The following OXR1 variants were observed in gnomAD, a reference collection of about 807,000 sequenced individuals.
The protein encoded by OXR1 is oxidation resistance 1, also known as oxidation resistance protein 1.
OXR1 carries 41 observed loss-of-function variants against 104.6 expected under a neutral mutation model. The observed-to-expected ratio is 0.39, with a 90% CI of 0.31 to 0.51. OXR1 has a LOEUF of 0.51. Among genes scored for constraint, OXR1 ranks in the 20% least tolerant of loss-of-function variants. The pLI, the probability that OXR1 is intolerant of heterozygous loss-of-function variation, is 0.77. For missense variants in OXR1, 955 were observed against 1,031.9 expected (o/e 0.93, Z 1.02); for synonymous variants, 348 against 348.4 (o/e 1.00, Z 0.01).
chr8:106,291,081 G>T (rs1031390689), intron 1 of OXR1, among the ~76,000 whole-genome samples: 18 of 152,010 alleles, frequency 1.2e-4, no homozygotes, highest in Admixed American at 3.3e-4. Context: ...CAGAAATTAT[G>T]GTACATATAC....
chr8:106,309,939 A>G (rs1813627783), intron 1 of OXR1, among the ~76,000 whole-genome samples: 1 of 151,760 alleles, frequency 6.6e-6, no homozygotes, highest in Non-Finnish European at 1.5e-5. Context: ...TAGGGAAACC[A>G]TGTTCAACAT....
At chr8:106,688,347 A>G (rs1828947102) in intron 6 of OXR1, among the ~76,000 whole-genome samples, 2 of 152,072 alleles carry the variant, frequency 1.3e-5, no homozygotes, top group Non-Finnish European at 1.5e-5. Flanking sequence ...ACTCTAATCA[A>G]TCTAAAATAT....
intron 2 of OXR1, among the ~76,000 whole-genome samples, chr8:106,430,579 C>T (rs1819323647): frequency 1.3e-5 from 2 of 152,152 alleles, no homozygotes; most frequent in Non-Finnish European, 1.5e-5. Context: ...AGGTATAAAA[C>T]TTTGAAAACT....
intron 1 of OXR1, among the ~76,000 whole-genome samples, chr8:106,339,520 ATATATATATATATATATAT>A (rs1194336176): frequency 6.1e-4 from 5 of 8,240 alleles, no homozygotes; most frequent in African/African-American, 1.3e-3. Flanking sequence ...AAAAAAAAAA[ATATATATATATATATATAT>A]ATATATATAT....
At chr8:106,321,736 A>G (rs1178742482) in intron 1 of OXR1, among the ~76,000 whole-genome samples, 2 of 152,184 alleles carry the variant, frequency 1.3e-5, no homozygotes, top group Admixed American at 6.5e-5. Flanking sequence ...TTCCCTTCAT[A>G]AGGCGGTATT....
chr8:106,653,081 A>ATTATAT (rs374747254), intron 3 of OXR1, among the ~76,000 whole-genome samples: 2 of 121,704 alleles, frequency 1.6e-5, no homozygotes, highest in East Asian at 4.7e-4. Context: ...GAAAAAAAAA[A>ATTATAT]AAATATATAT....
At chr8:106,700,787 C>T (rs1340602700) in intron 7 of OXR1, among the ~76,000 whole-genome samples, 5 of 152,142 alleles carry the variant, frequency 3.3e-5, no homozygotes, top group Admixed American at 1.3e-4. Context: ...TGCTAGTGAA[C>T]CAAATAATTG....
chr8:106,568,582 C>T (rs1171198439), intron 3 of OXR1, among the ~76,000 whole-genome samples: 2 of 152,084 alleles, frequency 1.3e-5, no homozygotes, highest in African/African-American at 2.4e-5. Flanking sequence ...AGAGTTGTCC[C>T]TCCTGCTGTT....
At chr8:106,462,890 G>C (rs149272409) in intron 2 of OXR1, among the ~76,000 whole-genome samples, 33 of 152,160 alleles carry the variant, frequency 2.2e-4, no homozygotes, top group East Asian at 1.4e-3. Context: ...TATTTCTGTA[G>C]TTCAGTAATA....
At chr8:106,324,981 C>A (rs1388600097) in intron 1 of OXR1, among the ~76,000 whole-genome samples, 2 of 152,102 alleles carry the variant, frequency 1.3e-5, no homozygotes, top group African/African-American at 4.8e-5. Context: ...ATTTTACAAT[C>A]TTTTCATAAT....
chr8:106,384,432 G>C (rs16874483), intron 2 of OXR1, among the ~76,000 whole-genome samples: 15,255 of 152,124 alleles, frequency 0.1, 837 homozygotes, highest in Middle Eastern at 0.15. Flanking sequence ...AGCAGTTGCC[G>C]GTCCTTGACA....
intron 9 of OXR1, among the ~76,000 whole-genome samples, chr8:106,709,197 A>G (rs1376603964): frequency 6.6e-6 from 1 of 152,138 alleles, no homozygotes; most frequent in East Asian, 1.9e-4. Context: ...TGTCTTTCTT[A>G]TAGAACAAAA....
At chr8:106,453,878 T>TG (rs11406161) in intron 2 of OXR1, among the ~76,000 whole-genome samples, 77,486 of 152,052 alleles carry the variant, frequency 0.51, 22,468 homozygotes, top group African/African-American at 0.78. Context: ...TCTAAGATGG[T>TG]GTGATCAGAA....
Position 106,572,124 on chromosome 8 carries a change from C to T in OXR1, c.220+52985C>T, listed in dbSNP as rs561382616. On this transcript the variant is annotated intron_variant, in intron 3 of 16. Transcript: ENST00000517566. ...ATGGGAGTGGCAGCCCTGGTGATTT[C>T]GGAATCACCTTCAATATCATCCTTC... is the stretch of plus-strand genomic sequence containing the variant. 5.9e-5 allele frequency among the ~76,000 whole-genome samples: 9 copies of T among 152,258 alleles called. No homozygotes were observed. In the South Asian group the frequency reaches 6.2e-4, roughly 11 times the overall value.
chr8:106,557,194 A>G (rs1162845744), intron 3 of OXR1, among the ~76,000 whole-genome samples: 1 of 152,188 alleles, frequency 6.6e-6, no homozygotes, highest in African/African-American at 2.4e-5. Flanking sequence ...TAATTGAGGA[A>G]ATATACCTGA....
chr8:106,365,077 G>T (rs952298994), intron 2 of OXR1, among the ~76,000 whole-genome samples: 35 of 152,084 alleles, frequency 2.3e-4, no homozygotes, highest in African/African-American at 8.5e-4. Context: ...CGGTTTTATA[G>T]TAAAGGAGGA....
At chr8:106,323,060 CA>C (rs1279184273) in intron 1 of OXR1, among the ~76,000 whole-genome samples, 10 of 151,922 alleles carry the variant, frequency 6.6e-5, no homozygotes, top group Non-Finnish European at 1.5e-4. Context: ...TATATGGAAC[CA>C]AAAAAGAGCC....
intron 1 of OXR1, among the ~76,000 whole-genome samples, chr8:106,299,162 C>T (rs1181069946): frequency 2.0e-5 from 3 of 151,958 alleles, no homozygotes. Flanking sequence ...TGCACCTCTC[C>T]TTTACCTCAT....
At chr8:106,710,464 A>T (rs1445066721) in intron 9 of OXR1, among the ~76,000 whole-genome samples, 158 bp from the exon 10 acceptor site, 2 of 151,986 alleles carry the variant, frequency 1.3e-5, no homozygotes, top group Admixed American at 1.3e-4. Context: ...TTTACCTTTG[A>T]AGGAAAAAAA....
Sources: gnomAD v4.1 joint callset for allele counts (sites outside exome capture counted in the v4.1 genomes callset) on GRCh38, gnomAD v4.1.1 for gene constraint, MANE v1.5 for transcripts, NCBI Gene and HGNC (gene_info 2026-07-23, HGNC 2026-07-21) for gene names.